UBE2D2: variants seen among roughly 807,000 people sequenced by gnomAD.
The protein encoded by UBE2D2 is ubiquitin-conjugating enzyme E2 D2.
Under a neutral mutation model 24.2 loss-of-function variants are expected in UBE2D2, and 2 were observed. The ratio of observed to expected loss-of-function variants is 0.08; its 90% CI spans 0.03 to 0.26. The LOEUF (loss-of-function observed/expected upper bound fraction) is 0.26. Ranked by LOEUF, UBE2D2 falls within the 10% of genes least tolerant of loss-of-function variation. UBE2D2 has a pLI of 1.00. For synonymous variants in UBE2D2, 58 were observed against 56.5 expected (o/e 1.03, Z -0.12); for missense variants, 44 against 177.6 (o/e 0.25, Z 4.28).
chr5:139,623,023 G>T (rs1339570690), intron 5 of UBE2D2, among the ~76,000 whole-genome samples: 1 of 151,914 alleles, frequency 6.6e-6, no homozygotes, highest in African/African-American at 2.4e-5. Flanking sequence ...CCAACATGGC[G>T]AAACCCCATC....
chr5:139,585,958 A>G (rs1324919833), intron 1 of UBE2D2, among the ~76,000 whole-genome samples: 1 of 150,614 alleles, frequency 6.6e-6, no homozygotes, highest in East Asian at 1.9e-4. Flanking sequence ...AAAAAAAAAA[A>G]AAAGAAGAAA....
Position 139,611,175 on chromosome 5 carries a change from C to CTT in UBE2D2, c.89-3384_89-3383dup, listed in dbSNP as rs60626896. On this transcript the variant is annotated intron_variant, in intron 2 of 6. Coordinates refer to ENST00000398733, the MANE Select transcript of UBE2D2 (RefSeq NM_003339.3). ...TAGTTCTAGATGACAAGTTTTCCTT[C>CTT]TTTTTTTTTTTTTTTTTTTTTTTTT... 1.5e-3 allele frequency among the ~76,000 whole-genome samples: 90 copies of CTT among 58,776 alleles called. 3 individuals are homozygous for CTT. The highest frequency in any genetic ancestry group is 4.4e-3 in the African/African-American group (65 of 14,910). The allele number at this position is 58,776 out of a possible 152,430, so 38.6% of individuals were successfully genotyped here.
chr5:139,546,282 T>C (rs1752824065), intron 1 of UBE2D2, among the ~76,000 whole-genome samples: 1 of 151,376 alleles, frequency 6.6e-6, no homozygotes, highest in Non-Finnish European at 1.5e-5. Context: ...GACCTCATGA[T>C]CCGCCCTCCT....
chr5:139,607,043 AT>A (rs1351640794), intron 2 of UBE2D2, among the ~76,000 whole-genome samples: 1 of 152,108 alleles, frequency 6.6e-6, no homozygotes, highest in African/African-American at 2.4e-5. Flanking sequence ...TGACCTCGTG[AT>A]TGGTCTGCCC....
chr5:139,573,828 A>C (rs1297901037), intron 1 of UBE2D2, among the ~76,000 whole-genome samples: 1 of 152,066 alleles, frequency 6.6e-6, no homozygotes, highest in Non-Finnish European at 1.5e-5. Flanking sequence ...AAAATTAGCC[A>C]GGTGTGGTGG....
intron 1 of UBE2D2, among the ~76,000 whole-genome samples, chr5:139,528,328 C>G (rs1203394342): frequency 2.5e-4 from 38 of 151,588 alleles, no homozygotes; most frequent in Non-Finnish European, 1.5e-5. Context: ...CCTGGCATTT[C>G]ATCAACCAAA....
intron 1 of UBE2D2, among the ~76,000 whole-genome samples, chr5:139,577,998 A>G (rs896244762): frequency 2.0e-5 from 3 of 152,164 alleles, no homozygotes; most frequent in South Asian, 2.1e-4. Flanking sequence ...TTTTCCTCGC[A>G]TTTCAGTGTT....
chr5:139,573,362 G>C (rs1581500917), intron 1 of UBE2D2, among the ~76,000 whole-genome samples: 1 of 149,296 alleles, frequency 6.7e-6, no homozygotes, highest in Non-Finnish European at 1.5e-5. Context: ...TTCTTATTTT[G>C]CTATCAGTTT....
At chr5:139,592,133 G>A (rs1299622690) in intron 1 of UBE2D2, among the ~76,000 whole-genome samples, 1 of 152,050 alleles carries the variant, frequency 6.6e-6, no homozygotes, top group East Asian at 1.9e-4. Context: ...ACTTGGGAAA[G>A]ACAGGTTGCA....
chr5:139,537,796 C>G (rs192468175), intron 1 of UBE2D2, among the ~76,000 whole-genome samples: 70 of 151,890 alleles, frequency 4.6e-4, no homozygotes, highest in African/African-American at 1.6e-3. Flanking sequence ...GACCCCTTCT[C>G]TACTAAAAAT....
intron 1 of UBE2D2, among the ~76,000 whole-genome samples, chr5:139,584,396 G>C (rs147390321): frequency 1.3e-5 from 2 of 151,838 alleles, no homozygotes; most frequent in Admixed American, 6.6e-5. Flanking sequence ...TATGCCTTTC[G>C]TTAAGTTTAG....
intron 2 of UBE2D2, among the ~76,000 whole-genome samples, chr5:139,611,175 C>CTTTTTTTTTTTTTTTTTTTT (rs60626896): frequency 1.7e-5 from 1 of 58,756 alleles, no homozygotes; most frequent in African/African-American, 6.7e-5. Flanking sequence ...AGTTTTCCTT[C>CTTTTTTTTTTTTTTTTTTTT]TTTTTTTTTT....
At chr5:139,534,052 A>G (rs1017828458) in intron 1 of UBE2D2, among the ~76,000 whole-genome samples, 2 of 150,416 alleles carry the variant, frequency 1.3e-5, no homozygotes, top group Non-Finnish European at 1.5e-5. Context: ...AAGTGCTGGG[A>G]TTACAGGCGT....
At chr5:139,611,966 T>G (rs1302814627) in intron 2 of UBE2D2, 1 of 150,916 alleles carries the variant, frequency 6.6e-6, no homozygotes, top group Non-Finnish European at 1.5e-5. Context: ...TAATTGTTTT[T>G]TTTTTTTTTT....
intron 1 of UBE2D2, among the ~76,000 whole-genome samples, chr5:139,564,690 A>G (rs564607505): frequency 1.3e-5 from 2 of 152,152 alleles, no homozygotes; most frequent in African/African-American, 4.8e-5. Flanking sequence ...CCTGACCTCA[A>G]GTGTTCTGCC....
At chr5:139,554,695 G>T (rs1480841553) in intron 1 of UBE2D2, among the ~76,000 whole-genome samples, 3 of 152,268 alleles carry the variant, frequency 2.0e-5, no homozygotes, top group Non-Finnish European at 2.9e-5. Context: ...CCAAAGAGTA[G>T]AACGGCTGCG....
Position 139,552,675 on chromosome 5 carries a change from A to ATTT in UBE2D2, c.-64+26085_-64+26087dup, listed in dbSNP as rs35039276. ...AGGCATGTGCCACCACGCTTGGCTA[A>ATTT]TTTTTTTTTTTTTTTTTTTTTTTTG... is the stretch of plus-strand genomic sequence containing the variant. On this transcript the variant is annotated intron_variant, in intron 1 of 6. Coordinates refer to the UBE2D2 transcript ENST00000511725. Among the ~76,000 whole-genome samples the ATTT allele has an allele frequency of 4.2e-4, 25 of 59,342 alleles. No homozygotes were observed. In the East Asian group the frequency reaches 8.9e-3, roughly 21 times the overall value. The allele number at this position is 59,342 out of a possible 152,430, so 38.9% of individuals were successfully genotyped here. A position where few individuals can be genotyped will look rare whatever the true frequency, so the allele number is the denominator to read the frequency against.
chr5:139,595,300 G>A lies in UBE2D2; in HGVS notation c.25-5072G>A, dbSNP rs545523520. On this transcript the variant is annotated intron_variant, in intron 1 of 6. Coordinates refer to ENST00000398733, the MANE Select transcript of UBE2D2 (RefSeq NM_003339.3). ...ATTCAACTTCAGTTTTCATCATGAT[G>A]TAGAGATATCAGTTTTATAGATTGT... Among the ~76,000 whole-genome samples, 6 of 152,222 alleles carry A rather than the reference G, an allele frequency of 3.9e-5. No homozygotes were observed. The South Asian group carries it at 1.2e-3, about 32-fold the overall frequency.
Position 139,626,935 on chromosome 5 carries a change from C to A in UBE2D2, c.*134C>A. On this transcript the variant is annotated 3_prime_UTR_variant, in exon 7 of 7. Transcript: ENST00000398733. ...CCCCTGTGCACATGTTTACCTGATA[C>A]AGCAGTGCTGCGTGTTGTACATACT... is the stretch of plus-strand genomic sequence containing the variant. The A allele has an allele frequency of 1.5e-6, 1 of 686,568 alleles. No individual in the cohort carries two copies. 42.5% of individuals were successfully genotyped at this position (686,568 alleles called of 1,614,324 possible). A position where few individuals can be genotyped will look rare whatever the true frequency, so the allele number is the denominator to read the frequency against.
Sources: allele counts gnomAD v4.1 joint callset (sites outside exome capture counted in the v4.1 genomes callset), GRCh38; gene constraint gnomAD v4.1.1; transcripts MANE v1.5; gene names NCBI Gene and HGNC (gene_info 2026-07-23, HGNC 2026-07-21).